The following RUNX2 variants were observed in gnomAD, a reference collection of about 807,000 sequenced individuals.
RUNX2 encodes the protein RUNX family transcription factor 2.
RUNX2 carries 10 observed loss-of-function variants against 51.7 expected under a neutral mutation model. That is an observed-to-expected ratio of 0.19 (90% confidence interval 0.12 to 0.33). The LOEUF (loss-of-function observed/expected upper bound fraction) is 0.33. Among genes scored for constraint, RUNX2 ranks in the 10% least tolerant of loss-of-function variants. The probability of loss-of-function intolerance (pLI) is 1.00; values close to 1 mark genes in which losing one functional copy is unlikely to be tolerated. For missense variants in RUNX2, 562 were observed against 691.3 expected (o/e 0.81, Z 2.10); for synonymous variants, 276 against 273.6 (o/e 1.01, Z -0.09).
intron 2 of RUNX2, among the ~76,000 whole-genome samples, chr6:45,375,418 T>C (rs376087506): frequency 1.2e-4 from 19 of 152,176 alleles, no homozygotes; most frequent in African/African-American, 4.6e-4. Flanking sequence ...TAAGATACTA[T>C]AGTCACCCAT....
At chr6:45,467,264 A>C (rs143681218) in intron 5 of RUNX2, among the ~76,000 whole-genome samples, 50 of 151,994 alleles carry the variant, frequency 3.3e-4, no homozygotes, top group African/African-American at 1.1e-3. Context: ...CTTTTGCTTT[A>C]TCTTTTATTT....
At position 45,547,169 on chromosome 6, in the gene RUNX2, C is replaced by G; in HGVS notation, c.1430C>G (p.Ser477Trp). ...ATGCTTCCGCCATGCACCACCACCT[C>G]GAATGGCAGCACGCTATTAAATCCA... is the stretch of plus-strand genomic sequence containing the variant. ...SRMLPPCTTT[S>W]NGSTLLNPNL... The change falls in exon 9 of 9, where the codon TCG becomes TGG. Residue 477 changes from serine (S) to tryptophan (W), a missense_variant. Ser to Trp is a radical substitution (Grantham distance 177, BLOSUM62 -3). Transcript: ENST00000647337. 6.2e-7 allele frequency: 1 copy of G among 1,614,166 alleles called. No homozygotes were observed. Among genetic ancestry groups the G allele is most frequent in the Non-Finnish European group, 8.5e-7 (1 of 1,180,034 alleles).
At chr6:45,345,165 C>G (rs1790590365) in intron 2 of RUNX2, among the ~76,000 whole-genome samples, 1 of 152,116 alleles carries the variant, frequency 6.6e-6, no homozygotes, top group Admixed American at 6.6e-5. Flanking sequence ...TTATAAAAAT[C>G]TTTGACACTT....
intron 6 of RUNX2, among the ~76,000 whole-genome samples, chr6:45,505,056 T>C (rs78039088): frequency 0.016 from 2,453 of 152,282 alleles, 64 homozygotes; most frequent in African/African-American, 0.055. Flanking sequence ...AATAGCCTTT[T>C]GTATGCGGGT....
At position 45,341,504 on chromosome 6, in the gene RUNX2, A is replaced by G. The variant is rs73735379; in HGVS notation, c.58+12720A>G. 3.9e-3 allele frequency among the ~76,000 whole-genome samples: 595 copies of G among 152,256 alleles called. 7 individuals are homozygous for G. Among genetic ancestry groups the G allele is most frequent in the African/African-American group, 0.014 (567 of 41,584 alleles). On this transcript the variant is annotated intron_variant, in intron 2 of 8. Transcript: ENST00000647337. ...CTAAAATAAATACATATGCAAGTAT[A>G]AAGTCATAACTACATTTTAAAAGGA... is the stretch of plus-strand genomic sequence containing the variant.
chr6:45,393,066 A>G (rs1322033429), intron 2 of RUNX2, among the ~76,000 whole-genome samples: 1 of 152,002 alleles, frequency 6.6e-6, no homozygotes, highest in Non-Finnish European at 1.5e-5. Flanking sequence ...TAGGGTTTCT[A>G]TCTGTTTACA....
intron 2 of RUNX2, among the ~76,000 whole-genome samples, chr6:45,378,456 C>A (rs1489097788): frequency 6.6e-6 from 1 of 152,200 alleles, no homozygotes; most frequent in African/African-American, 2.4e-5. Flanking sequence ...CGCAGGGCCG[C>A]AGTACAGGCG....
intron 4 of RUNX2, among the ~76,000 whole-genome samples, chr6:45,437,449 T>C (rs1335949868): frequency 6.6e-6 from 1 of 152,174 alleles, no homozygotes; most frequent in African/African-American, 2.4e-5. Flanking sequence ...ATAAGAACTT[T>C]CCTCTTTTAT....
At chr6:45,525,226 C>T (rs10223365) in intron 7 of RUNX2, among the ~76,000 whole-genome samples, 9,918 of 152,198 alleles carry the variant, frequency 0.065, 659 homozygotes, top group African/African-American at 0.17. Flanking sequence ...TGGCAGGTGC[C>T]ACAGATACTC....
chr6:45,359,212 A>G (rs1793808722), intron 2 of RUNX2, among the ~76,000 whole-genome samples: 1 of 152,192 alleles, frequency 6.6e-6, no homozygotes, highest in Non-Finnish European at 1.5e-5. Flanking sequence ...ATTTTTTAAC[A>G]CAAGCACTTA....
In RUNX2 at chr6:45,331,117, G is replaced by GTT. The variant is rs1787400439; in HGVS notation, c.58+2334_58+2335insTT. On this transcript the variant is annotated intron_variant, in intron 2 of 8. Coordinates refer to ENST00000647337, the MANE Select transcript of RUNX2 (RefSeq NM_001024630.4). Reference sequence around the variant, plus strand: ...AATACAATGAGTGGTGTGTGTGTGTGTGTGTGTGTGCGCGCGCGCGCGCAC... The same window carrying GTT: ...AATACAATGAGTGGTGTGTGTGTGTGTTTGTGTGTGTGCGCGCGCGCGCGCAC... Among the ~76,000 whole-genome samples the GTT allele has an allele frequency of 2.0e-5, 3 of 149,846 alleles. No homozygotes were observed. In the South Asian group the frequency reaches 6.2e-4, roughly 31 times the overall value.
At chr6:45,371,791 T>C in intron 2 of RUNX2, 3 of 975,138 alleles carry the variant, frequency 3.1e-6, no homozygotes, top group Non-Finnish European at 3.7e-6. Context: ...CAGACAAACA[T>C]ATATGCAAAT....
At chr6:45,351,934 A>G (rs1015011819) in intron 2 of RUNX2, among the ~76,000 whole-genome samples, 2 of 152,190 alleles carry the variant, frequency 1.3e-5, no homozygotes, top group Non-Finnish European at 2.9e-5. Context: ...CTTAGGCAAC[A>G]ATTAGTATAC....
chr6:45,549,536 A>G lies in RUNX2; in HGVS notation c.*2231A>G. The G allele has an allele frequency of 2.5e-6, 1 of 396,934 alleles. No individual in the cohort carries two copies. 24.6% of individuals were successfully genotyped at this position (396,934 alleles called of 1,614,324 possible). On this transcript the variant is annotated 3_prime_UTR_variant, in exon 9 of 9. Coordinates refer to ENST00000647337, the MANE Select transcript of RUNX2 (RefSeq NM_001024630.4). ...AAGTAAGAAGGAAGTAGTAATTGATACTATTTATTGTTTGTGTGTGGTAGC... is the reference window on the plus strand; with the variant it reads ...AAGTAAGAAGGAAGTAGTAATTGATGCTATTTATTGTTTGTGTGTGGTAGC...
intron 2 of RUNX2, among the ~76,000 whole-genome samples, chr6:45,355,033 G>T (rs1360487269): frequency 2.0e-5 from 3 of 151,948 alleles, no homozygotes; most frequent in Non-Finnish European, 4.4e-5. Flanking sequence ...AAAGTGCAGT[G>T]GTACGATCAC....
In RUNX2 at chr6:45,422,767, C is replaced by CA; in HGVS notation, c.233_234insA (p.Ala79GlyfsTer82). On this transcript the variant is annotated frameshift_variant, in exon 3 of 9. Coordinates refer to ENST00000647337, the MANE Select transcript of RUNX2 (RefSeq NM_001024630.4). LOFTEE classifies it high-confidence loss of function. ...CAGCAGGAGGCGGCGGCGGCGGCTG[C>CA]GGCGGCGGCGGCGGCTGCGGCGGCG... is the stretch of plus-strand genomic sequence containing the variant. 8.0e-7 allele frequency: 1 copy of CA among 1,243,496 alleles called. No individual in the cohort carries two copies. 77.0% of individuals were successfully genotyped at this position (1,243,496 alleles called of 1,614,324 possible). A position where few individuals can be genotyped will look rare whatever the true frequency, so the allele number is the denominator to read the frequency against.
In RUNX2 at chr6:45,482,884, C is replaced by A. The variant is rs185836565; in HGVS notation, c.686-9057C>A. Among the ~76,000 whole-genome samples the A allele has an allele frequency of 5.9e-5, 9 of 152,272 alleles. No individual in the cohort carries two copies. In the East Asian group the frequency reaches 1.5e-3, roughly 26 times the overall value. On this transcript the variant is annotated intron_variant, in intron 5 of 8. Coordinates refer to ENST00000647337, the MANE Select transcript of RUNX2 (RefSeq NM_001024630.4). The stretch of plus-strand genomic sequence containing the variant: ...CTCTCTTGATAAACGCCGAATCTTA[C>A]GTGCCTGACTCTGTTTAAGAGCTGA...
rs1433080740 is a variant in RUNX2, at chr6:45,549,289, G to A, written c.*1984G>A. On this transcript the variant is annotated 3_prime_UTR_variant, in exon 9 of 9. Coordinates refer to ENST00000647337, the MANE Select transcript of RUNX2 (RefSeq NM_001024630.4). The stretch of plus-strand genomic sequence containing the variant: ...CAGAGATTTGCCTTCAAACCCTAAC[G>A]GCCCCCTTGTTCTCTGGTCCTTCTC... 2.0e-5 allele frequency: 8 copies of A among 398,272 alleles called. No individual in the cohort carries two copies. The highest frequency in any genetic ancestry group is 1.3e-4 in the South Asian group (1 of 7,848). 24.7% of individuals were successfully genotyped at this position (398,272 alleles called of 1,614,324 possible). A position where few individuals can be genotyped will look rare whatever the true frequency, so the allele number is the denominator to read the frequency against.
At chr6:45,534,488 A>G (rs1377851891) in intron 7 of RUNX2, among the ~76,000 whole-genome samples, 1 of 152,174 alleles carries the variant, frequency 6.6e-6, no homozygotes, top group African/African-American at 2.4e-5. Flanking sequence ...ATGATTTTTG[A>G]GAGGTAGGTT....
Sources: gnomAD v4.1 joint callset for allele counts (sites outside exome capture counted in the v4.1 genomes callset) on GRCh38, gnomAD v4.1.1 for gene constraint, MANE v1.5 for transcripts, NCBI Gene and HGNC (gene_info 2026-07-23, HGNC 2026-07-21) for gene names.